TMEM132C: variants seen among roughly 807,000 people sequenced by gnomAD.
TMEM132C encodes the protein transmembrane protein 132C.
In TMEM132C, 29 loss-of-function variants were observed where a neutral mutation model predicts 61.4. The observed-to-expected ratio is 0.47, with a 90% CI of 0.35 to 0.64. The LOEUF (loss-of-function observed/expected upper bound fraction) is 0.64, where lower values mean the gene tolerates loss of function less well. TMEM132C is among the 30% of genes least tolerant of loss of function. The probability of loss-of-function intolerance (pLI) is 0.00; values close to 1 mark genes in which losing one functional copy is unlikely to be tolerated. For missense variants in TMEM132C, 1,408 were observed against 1,476.9 expected, an observed-to-expected ratio of 0.95 and a Z score of 0.76; for synonymous variants, 656 against 633.1, an observed-to-expected ratio of 1.04 and a Z score of -0.54.
intron 4 of TMEM132C, among the ~76,000 whole-genome samples, chr12:128,637,860 T>C (rs1366734926): frequency 2.0e-5 from 3 of 152,210 alleles, no homozygotes; most frequent in Non-Finnish European, 2.9e-5. Flanking sequence ...TATTTGTCTT[T>C]CTGTGACCTA....
Position 128,485,813 on chromosome 12 carries a change from A to G in TMEM132C, c.975-58144A>G, listed in dbSNP as rs1011776702. 1.1e-4 allele frequency among the ~76,000 whole-genome samples: 17 copies of G among 152,148 alleles called. No individual in the cohort carries two copies. In the East Asian group the frequency reaches 2.9e-3, roughly 26 times the overall value. On this transcript the variant is annotated intron_variant, in intron 2 of 8. Coordinates refer to ENST00000435159, the MANE Select transcript of TMEM132C (RefSeq NM_001136103.3). The stretch of plus-strand genomic sequence containing the variant: ...CTTCCAGCCATCCCACTGGATGCAA[A>G]TATTGAGCTGACGGAGGGCGCGGAG...
intron 1 of TMEM132C, among the ~76,000 whole-genome samples, chr12:128,366,354 A>G (rs1395696551): frequency 2.0e-5 from 3 of 152,220 alleles, no homozygotes; most frequent in East Asian, 1.9e-4. Flanking sequence ...ACAACTGCAC[A>G]GTGCGAACTT....
At chr12:128,347,485 C>T (rs1231612246) in intron 1 of TMEM132C, among the ~76,000 whole-genome samples, 1 of 150,446 alleles carries the variant, frequency 6.6e-6, no homozygotes, top group South Asian at 2.1e-4. Context: ...CTGGAGTGCA[C>T]TGGTGCAATC....
At chr12:128,527,835 A>G (rs1228184583) in intron 2 of TMEM132C, among the ~76,000 whole-genome samples, 3 of 152,106 alleles carry the variant, frequency 2.0e-5, no homozygotes, top group Non-Finnish European at 4.4e-5. Flanking sequence ...CTCTGTAGTC[A>G]GAGTGCAGGG....
chr12:128,495,180 TA>T (rs1171302979), intron 2 of TMEM132C, among the ~76,000 whole-genome samples: 2 of 151,526 alleles, frequency 1.3e-5, no homozygotes, highest in Non-Finnish European at 3.0e-5. Flanking sequence ...TCCTGAGTTG[TA>T]GTTTGAGTGG....
chr12:128,466,779 A>G (rs995651388), intron 2 of TMEM132C, among the ~76,000 whole-genome samples: 1 of 152,054 alleles, frequency 6.6e-6, no homozygotes, highest in Admixed American at 6.6e-5. Flanking sequence ...CGGCCTCCCA[A>G]AGTGCTGGGA....
At chr12:128,406,681 T>C (rs1402103712) in intron 1 of TMEM132C, among the ~76,000 whole-genome samples, 1 of 152,180 alleles carries the variant, frequency 6.6e-6, no homozygotes, top group East Asian at 1.9e-4. Flanking sequence ...AATTTAAAAC[T>C]CTGGAACAAG....
intron 1 of TMEM132C, among the ~76,000 whole-genome samples, chr12:128,280,756 G>A (rs1033057319): frequency 2.0e-5 from 3 of 152,142 alleles, no homozygotes. Context: ...AAGTTTACAT[G>A]CTTGAGGGGT....
chr12:128,395,052 A>G (rs1440592565), intron 1 of TMEM132C, among the ~76,000 whole-genome samples: 6 of 151,950 alleles, frequency 3.9e-5, no homozygotes, highest in African/African-American at 7.2e-5. Flanking sequence ...TATATGTGTG[A>G]GTACATATTT....
chr12:128,695,035 G>A (rs1954748696), intron 6 of TMEM132C, among the ~76,000 whole-genome samples: 1 of 152,162 alleles, frequency 6.6e-6, no homozygotes, highest in African/African-American at 2.4e-5. Flanking sequence ...CATACATGTG[G>A]AAGCATAAAA....
chr12:128,458,303 ATACTAAAAT>A (rs1870417660), intron 2 of TMEM132C, among the ~76,000 whole-genome samples: 1 of 50 alleles, frequency 0.02, no homozygotes, highest in African/African-American at 0.042. Context: ...TTATATAATT[ATACTAAAAT>A]TATATATTAC....
chr12:128,340,259 C>T (rs1872913839), intron 1 of TMEM132C, among the ~76,000 whole-genome samples: 1 of 152,138 alleles, frequency 6.6e-6, no homozygotes, highest in Non-Finnish European at 1.5e-5. Context: ...TTTCCCCTGT[C>T]TAACATTAAC....
At chr12:128,503,152 T>G (rs1872238210) in intron 2 of TMEM132C, among the ~76,000 whole-genome samples, 1 of 144,656 alleles carries the variant, frequency 6.9e-6, no homozygotes, top group South Asian at 2.2e-4. Context: ...AATAATTTCT[T>G]TTAAAGGAAG....
At chr12:128,678,467 GTTC>G (rs1284791679) in intron 5 of TMEM132C, among the ~76,000 whole-genome samples, 1 of 152,248 alleles carries the variant, frequency 6.6e-6, no homozygotes, top group Non-Finnish European at 1.5e-5. Context: ...CCACTGACAA[GTTC>G]TTCTTTAAGC....
chr12:128,654,604 T>A (rs1235249787), intron 4 of TMEM132C, among the ~76,000 whole-genome samples: 2 of 152,092 alleles, frequency 1.3e-5, no homozygotes, highest in Admixed American at 6.6e-5. Flanking sequence ...GCCCAATAAC[T>A]CTGAGCCGCT....
intron 4 of TMEM132C, among the ~76,000 whole-genome samples, chr12:128,649,954 G>A (rs1235184118): frequency 6.6e-6 from 1 of 152,224 alleles, no homozygotes; most frequent in Middle Eastern, 3.2e-3. Context: ...AGTAAATGAG[G>A]AGGGAGTTGG....
intron 2 of TMEM132C, among the ~76,000 whole-genome samples, chr12:128,514,985 C>T: frequency 6.6e-6 from 1 of 152,234 alleles, no homozygotes; most frequent in Non-Finnish European, 1.5e-5. Context: ...GGCAAAACTA[C>T]TTATGGTGTC....
intron 1 of TMEM132C, among the ~76,000 whole-genome samples, chr12:128,293,926 G>A (rs986279585): frequency 1.3e-5 from 2 of 152,062 alleles, no homozygotes; most frequent in Non-Finnish European, 2.9e-5. Flanking sequence ...TTATAATTAC[G>A]CATTGTGAAT....
chr12:128,402,714 G>A (rs536736132), intron 1 of TMEM132C, among the ~76,000 whole-genome samples: 8 of 152,320 alleles, frequency 5.3e-5, no homozygotes, highest in African/African-American at 1.9e-4. Flanking sequence ...TGGCCACCAG[G>A]CAAGCCATTG....
Sources: allele counts gnomAD v4.1 joint callset (sites outside exome capture counted in the v4.1 genomes callset), GRCh38; gene constraint gnomAD v4.1.1; transcripts MANE v1.5; gene names NCBI Gene and HGNC (gene_info 2026-07-23, HGNC 2026-07-21).